The following EARS2 variants were observed in gnomAD, a reference collection of about 807,000 sequenced individuals.
The protein encoded by EARS2 is glutamyl-tRNA synthetase 2, mitochondrial.
Under a neutral mutation model 54.1 loss-of-function variants are expected in EARS2, and 50 were observed. That is an observed-to-expected ratio of 0.92 (90% CI 0.74 to 1.17). The LOEUF (loss-of-function observed/expected upper bound fraction) is 1.17, where lower values mean the gene tolerates loss of function less well. Ranked by LOEUF, EARS2 falls within the 50% of genes most tolerant of loss-of-function variation. EARS2 has a pLI of 0.00. For missense variants in EARS2, 673 were observed against 675.0 expected (o/e 1.00, Z 0.03); for synonymous variants, 298 against 281.0 (o/e 1.06, Z -0.61).
At chr16:23,539,611 G>A (rs945989724) in intron 3 of EARS2, among the ~76,000 whole-genome samples, 2 of 152,112 alleles carry the variant, frequency 1.3e-5, no homozygotes, top group African/African-American at 2.4e-5. Flanking sequence ...ATCAGATACC[G>A]TTAAATTAGA....
intron 7 of EARS2, 86 bp downstream of exon 7, chr16:23,529,416 C>T (rs1965283274): frequency 1.3e-6 from 2 of 1,514,690 alleles, no homozygotes; most frequent in Admixed American, 4.0e-5. Context: ...GGGGCCCCAA[C>T]AGCCCAGCCC....
intron 5 of EARS2, among the ~76,000 whole-genome samples, chr16:23,532,091 G>A (rs909153490): frequency 4.6e-5 from 7 of 152,340 alleles, no homozygotes; most frequent in African/African-American, 1.4e-4. Flanking sequence ...AGAATTAAAG[G>A]TGTGAGCCGC....
chr16:23,532,710 C>A lies in EARS2; in HGVS notation c.1014G>T (p.Gln338His). ...CCAGCAGGGCTGAGTGACAGGTGAC[C>A]TGTGTCAGGTTGAACTGTGTGATCA... Reference protein sequence around the residue: ...PELITQFNLTQVTCHSALLDL... With the variant: ...PELITQFNLTHVTCHSALLDL... Residue 338 changes from glutamine to histidine, a missense_variant, in exon 5 of 9, where the codon CAG becomes CAT. Around this residue, in one of 3 missense-constraint regions of EARS2, gnomAD observed 338 missense variants for 361.2 expected, o/e 0.94. Transcript: ENST00000449606. The A allele has an allele frequency of 6.2e-7, 1 of 1,614,142 alleles. No individual in the cohort carries two copies. Among genetic ancestry groups the A allele is most frequent in the Non-Finnish European group, 8.5e-7 (1 of 1,180,020 alleles).
chr16:23,532,076 G>A (rs112866653), intron 5 of EARS2, among the ~76,000 whole-genome samples: 2,238 of 152,320 alleles, frequency 0.015, 23 homozygotes, highest in South Asian at 0.02. Flanking sequence ...GCCTCTCAAA[G>A]TGCTAGAATT....
intron 2 of EARS2, chr16:23,546,364 G>A (rs1465288122): frequency 1.8e-5 from 8 of 455,982 alleles, no homozygotes; most frequent in Admixed American, 1.2e-4. Context: ...AGCTGAGTGG[G>A]CCTGGGTTCA....
In EARS2 at chr16:23,521,901, G is replaced by C. The variant is rs1258581673; in HGVS notation, c.*2470C>G. ...TAAGCTTGGACTCTGGATCGGCACA[G>C]ATCTGAGTTTAAATCTTGGTTTTGC... On this transcript the variant is annotated 3_prime_UTR_variant, in exon 9 of 9. Transcript: ENST00000449606. The C allele has an allele frequency of 2.2e-6, 1 of 448,132 alleles. No individual in the cohort carries two copies. The highest frequency in any genetic ancestry group is 4.5e-6 in the Non-Finnish European group (1 of 221,572). The allele number at this position is 448,132 out of a possible 1,614,324, so 27.8% of individuals were successfully genotyped here.
chr16:23,555,040 T>C (rs551846272), intron 1 of EARS2, among the ~76,000 whole-genome samples: 37 of 152,336 alleles, frequency 2.4e-4, no homozygotes, highest in Middle Eastern at 3.4e-3. Flanking sequence ...AGAAGTACAA[T>C]CATCATAATA....
chr16:23,529,263 C>A (rs371844700), intron 7 of EARS2, among the ~76,000 whole-genome samples: 2 of 152,292 alleles, frequency 1.3e-5, no homozygotes, highest in East Asian at 1.9e-4. Context: ...GGTGAGTACA[C>A]GGCAGAGCTG....
At chr16:23,539,622 C>G (rs1965480684) in intron 3 of EARS2, among the ~76,000 whole-genome samples, 3 of 151,956 alleles carry the variant, frequency 2.0e-5, no homozygotes, top group Non-Finnish European at 4.4e-5. Context: ...TTAAATTAGA[C>G]TAGGATTTAA....
chr16:23,549,101 AAC>A (rs1965652872), intron 2 of EARS2, among the ~76,000 whole-genome samples: 1 of 152,160 alleles, frequency 6.6e-6, no homozygotes, highest in South Asian at 2.1e-4. Flanking sequence ...AAAGAGCTGT[AAC>A]ACGCTCCCGC....
chr16:23,529,415 A>G, intron 7 of EARS2, 87 bp downstream of exon 7: 4 of 1,514,456 alleles, frequency 2.6e-6, no homozygotes, highest in Non-Finnish European at 3.6e-6. Flanking sequence ...TGGGGCCCCA[A>G]CAGCCCAGCC....
Position 23,522,301 on chromosome 16 carries a change from A to G in EARS2, c.*2070T>C, listed in dbSNP as rs1965152160. The G allele has an allele frequency of 6.3e-6, 1 of 157,564 alleles. No homozygotes were observed. The highest frequency in any genetic ancestry group is 2.4e-5 in the African/African-American group (1 of 41,522). 9.8% of individuals were successfully genotyped at this position (157,564 alleles called of 1,614,324 possible). A position where few individuals can be genotyped will look rare whatever the true frequency, so the allele number is the denominator to read the frequency against. On this transcript the variant is annotated 3_prime_UTR_variant, in exon 9 of 9. Transcript: ENST00000449606. ...CAGGACCTCAGATAGCCCAACAGAT[A>G]CTTGCTCCTCAGAATCTGAACCTTG...
At chr16:23,544,318 C>T (rs1036122418) in intron 3 of EARS2, among the ~76,000 whole-genome samples, 196 bp downstream of exon 3, 7 of 152,210 alleles carry the variant, frequency 4.6e-5, no homozygotes, top group African/African-American at 1.7e-4. Flanking sequence ...AAGAGAACTC[C>T]AGGACTGGCT....
intron 2 of EARS2, among the ~76,000 whole-genome samples, chr16:23,546,040 G>A (rs1032865347): frequency 1.3e-5 from 2 of 152,204 alleles, no homozygotes; most frequent in African/African-American, 4.8e-5. Context: ...GGAGCTAGCA[G>A]CCTCCTGTGC....
chr16:23,556,863 C>A (rs1489105531), intron 1 of EARS2: 2 of 555,386 alleles, frequency 3.6e-6, no homozygotes, highest in Admixed American at 4.5e-5. Context: ...CACTAGAATG[C>A]AGACTTCCAC....
chr16:23,548,009 T>C (rs1011947674), intron 2 of EARS2, among the ~76,000 whole-genome samples: 19 of 151,928 alleles, frequency 1.3e-4, no homozygotes, highest in African/African-American at 4.3e-4. Flanking sequence ...GGCGGGCAGA[T>C]CACGAGGTCA....
chr16:23,526,642 G>A (rs968341913), intron 7 of EARS2, among the ~76,000 whole-genome samples: 12 of 152,136 alleles, frequency 7.9e-5, no homozygotes, highest in South Asian at 2.1e-4. Context: ...CTTTGGAGAC[G>A]TAGCCAAGAA....
Position 23,522,033 on chromosome 16 carries a change from T to C in EARS2, c.*2338A>G, listed in dbSNP as rs933581451. ...TTCTCTCATAGTGTTATAAAAAAAA[T>C]TTACTGAGATGATGGACTAAGGCAT... On this transcript the variant is annotated 3_prime_UTR_variant, in exon 9 of 9. Coordinates refer to ENST00000449606, the MANE Select transcript of EARS2 (RefSeq NM_001083614.2). The C allele has an allele frequency of 3.0e-6, 1 of 332,640 alleles. No homozygotes were observed. Among genetic ancestry groups the C allele is most frequent in the Non-Finnish European group, 6.0e-6 (1 of 167,152 alleles). The allele number at this position is 332,640 out of a possible 1,614,324, so 20.6% of individuals were successfully genotyped here. A position where few individuals can be genotyped will look rare whatever the true frequency, so the allele number is the denominator to read the frequency against.
chr16:23,541,300 C>T (rs1184236287), intron 3 of EARS2, among the ~76,000 whole-genome samples: 1 of 152,136 alleles, frequency 6.6e-6, no homozygotes, highest in Non-Finnish European at 1.5e-5. Context: ...GCACTCCAGC[C>T]TGGGGAATAG....
Sources: allele counts gnomAD v4.1 joint callset (sites outside exome capture counted in the v4.1 genomes callset), GRCh38; gene constraint gnomAD v4.1.1; regional missense constraint gnomAD v4.1.1; transcripts MANE v1.5; gene names NCBI Gene and HGNC (gene_info 2026-07-23, HGNC 2026-07-21).